CYLC2: variants seen among roughly 807,000 people sequenced by gnomAD.
CYLC2 encodes the protein cylicin-2.
In CYLC2, 30 loss-of-function variants were observed where a neutral mutation model predicts 26.1. That is an observed-to-expected ratio of 1.15 (90% CI 0.86 to 1.56). The LOEUF (loss-of-function observed/expected upper bound fraction) is 1.56. Among genes scored for constraint, CYLC2 ranks in the 40% most tolerant of loss-of-function variants. The probability of loss-of-function intolerance (pLI) is 0.00; values close to 1 mark genes in which losing one functional copy is unlikely to be tolerated. For missense variants in CYLC2, 498 were observed against 394.4 expected, an observed-to-expected ratio of 1.26 and a Z score of -2.23; for synonymous variants, 158 against 132.8, an observed-to-expected ratio of 1.19 and a Z score of -1.31.
At chr9:103,013,361 AATAT>A (rs1277215335) in intron 6 of CYLC2, among the ~76,000 whole-genome samples, 8 of 13,846 alleles carry the variant, frequency 5.8e-4, no homozygotes, top group Non-Finnish European at 9.7e-4. Flanking sequence ...ATATTATATA[AATAT>A]ATATTTAATA....
chr9:103,013,200 T>C (rs1313812373), intron 6 of CYLC2, among the ~76,000 whole-genome samples: 230 of 29,534 alleles, frequency 7.8e-3, no homozygotes, highest in Non-Finnish European at 0.013. Context: ...ATATAACATA[T>C]TAATGTTATA....
chr9:103,014,562 A>ATATGTATATTATGCAGTATACATCC (rs1829470022), intron 6 of CYLC2, among the ~76,000 whole-genome samples: 1 of 143,378 alleles, frequency 7.0e-6, no homozygotes, highest in African/African-American at 2.5e-5. Flanking sequence ...AGTATACATC[A>ATATGTATATTATGCAGTATACATCC]TATGTATATT....
intron 2 of CYLC2, 144 bp downstream of exon 2, chr9:103,001,762 C>A: frequency 3.5e-6 from 2 of 572,034 alleles, no homozygotes; most frequent in Non-Finnish European, 6.2e-6. Context: ...TTCTTACAGG[C>A]CCAGTGAACA....
rs1829412285 is a variant in CYLC2, at chr9:103,012,020, T to A, written c.*739T>A. The A allele has an allele frequency of 7.0e-6, 1 of 142,736 alleles. No homozygotes were observed. Among genetic ancestry groups the A allele is most frequent in the Non-Finnish European group, 1.5e-5 (1 of 66,234 alleles). The allele number at this position is 142,736 out of a possible 1,614,324, so 8.8% of individuals were successfully genotyped here. ...CCCTGGCTGGAGTTCAGTGACATGA[T>A]CTCAGGCTTACTACAGCCTCCACCT... is the stretch of plus-strand genomic sequence containing the variant. On this transcript the variant is annotated 3_prime_UTR_variant, in exon 6 of 8. Transcript: ENST00000374798.
chr9:103,005,793 A>T lies in CYLC2; in HGVS notation c.*115A>T. On this transcript the variant is annotated 3_prime_UTR_variant, in exon 5 of 8. Transcript: ENST00000374798. The stretch of plus-strand genomic sequence containing the variant: ...ACAAGAGGCCTCAAAGAATTAAATA[A>T]TTTTTAAAAGGTGGTAAAGAAGGAT... The T allele has an allele frequency of 8.6e-7, 1 of 1,159,360 alleles. No individual in the cohort carries two copies. The highest frequency in any genetic ancestry group is 1.2e-6 in the Non-Finnish European group (1 of 818,296). 71.8% of individuals were successfully genotyped at this position (1,159,360 alleles called of 1,614,324 possible). A position where few individuals can be genotyped will look rare whatever the true frequency, so the allele number is the denominator to read the frequency against.
chr9:103,003,119 GT>G (rs1829304472), intron 2 of CYLC2, 22 bp from the exon 3 acceptor site: 1 of 1,611,850 alleles, frequency 6.2e-7, no homozygotes. Flanking sequence ...TCCAAAATGT[GT>G]TTTTTGTCTC....
At chr9:103,012,503 A>C (rs4471114) in intron 6 of CYLC2, among the ~76,000 whole-genome samples, 100,419 of 151,780 alleles carry the variant, frequency 0.66, 33,494 homozygotes, top group South Asian at 0.82. Flanking sequence ...AGTTTATGAC[A>C]GTTTTTATAA....
chr9:103,009,837 T>TTTTATC (rs1486705895), intron 5 of CYLC2, among the ~76,000 whole-genome samples: 1 of 151,878 alleles, frequency 6.6e-6, no homozygotes, highest in Non-Finnish European at 1.5e-5. Flanking sequence ...TTGCCAACAC[T>TTTTATC]TTTATCTTTG....
chr9:103,005,199 A>G lies in CYLC2; in HGVS notation c.568A>G (p.Lys190Glu), dbSNP rs2298050. Residue 190 changes from lysine to glutamate, a missense_variant, in exon 5 of 8, where the codon AAA becomes GAA. By Grantham distance (56) the Lys-to-Glu change is moderately conservative. Transcript: ENST00000374798. ...DEKGGAKKDN[K>E]KDKKDSNKGK... Reference sequence around the variant, plus strand: ...AAAAGGAGGTGCAAAGAAAGATAACAAAAAAGATAAAAAGGATTCAAACAA... The same window carrying G: ...AAAAGGAGGTGCAAAGAAAGATAACGAAAAAGATAAAAAGGATTCAAACAA... The G allele has an allele frequency of 9.7e-3, 15,595 of 1,607,896 alleles. 788 individuals carry two copies. The East Asian group carries it at 0.17, about 18-fold the overall frequency.
chr9:103,015,629 G>T (rs1829496565), intron 6 of CYLC2, among the ~76,000 whole-genome samples: 1 of 146,752 alleles, frequency 6.8e-6, no homozygotes, highest in Non-Finnish European at 1.5e-5. Flanking sequence ...TGTCTCTTGA[G>T]TGTTCCTTGG....
rs1398247663 is a variant in CYLC2, at chr9:103,003,270, A to G, written c.180+7A>G. ...ACGGGACAACACGGTTTCTGTAAGCATTGGAAAGATTTTATAATTATCAGT... is the reference window on the plus strand; with the variant it reads ...ACGGGACAACACGGTTTCTGTAAGCGTTGGAAAGATTTTATAATTATCAGT... On this transcript the variant is annotated splice_region_variant and intron_variant, in intron 3 of 7. Coordinates refer to ENST00000374798, the MANE Select transcript of CYLC2 (RefSeq NM_001340.5). 2 of 1,605,668 alleles carry G rather than the reference A, an allele frequency of 1.2e-6. No individual in the cohort carries two copies. Among genetic ancestry groups the G allele is most frequent in the African/African-American group, 2.7e-5 (2 of 74,456 alleles).
Position 103,005,777 on chromosome 9 carries a change from C to A in CYLC2, c.*99C>A. On this transcript the variant is annotated 3_prime_UTR_variant, in exon 5 of 8. Coordinates refer to ENST00000374798, the MANE Select transcript of CYLC2 (RefSeq NM_001340.5). ...CTGAATTTGTGAGAAAACAAGAGGC[C>A]TCAAAGAATTAAATAATTTTTAAAA... 1 of 1,267,964 alleles carries A rather than the reference C, an allele frequency of 7.9e-7. No homozygotes were observed. The highest frequency in any genetic ancestry group is 1.1e-6 in the Non-Finnish European group (1 of 916,356). The allele number at this position is 1,267,964 out of a possible 1,614,324, so 78.5% of individuals were successfully genotyped here.
chr9:103,013,281 C>A (rs1467420263), intron 6 of CYLC2, among the ~76,000 whole-genome samples: 1 of 68,764 alleles, frequency 1.5e-5, no homozygotes, highest in Non-Finnish European at 2.5e-5. Context: ...TTATATATAA[C>A]ACATTAAATA....
At chr9:103,009,648 ATAG>A (rs1249384380) in intron 5 of CYLC2, among the ~76,000 whole-genome samples, 1 of 152,130 alleles carries the variant, frequency 6.6e-6, no homozygotes, top group African/African-American at 2.4e-5. Flanking sequence ...GTGCTATCAA[ATAG>A]TAGGTCTTAT....
intron 6 of CYLC2, among the ~76,000 whole-genome samples, chr9:103,015,240 A>G (rs1231532917): frequency 8.1e-6 from 1 of 123,106 alleles, no homozygotes; most frequent in African/African-American, 3.0e-5. Flanking sequence ...TTTATATATA[A>G]TCTGATATAT....
intron 6 of CYLC2, among the ~76,000 whole-genome samples, chr9:103,014,449 C>A (rs141997142): frequency 3.8e-5 from 5 of 133,210 alleles, no homozygotes; most frequent in Non-Finnish European, 7.8e-5. Context: ...ACATAATATA[C>A]ATAATGTATA....
chr9:103,013,485 A>AATATATT (rs1239128961), intron 6 of CYLC2, among the ~76,000 whole-genome samples: 13 of 106,732 alleles, frequency 1.2e-4, no homozygotes. Flanking sequence ...ATATATATTT[A>AATATATT]ACATATTACA....
At chr9:103,010,843 G>T (rs1395954136) in intron 5 of CYLC2, 3 of 151,928 alleles carry the variant, frequency 2.0e-5, no homozygotes, top group Non-Finnish European at 4.4e-5. Context: ...TACATTAGTT[G>T]TATTTGCAGG....
Position 103,009,628 on chromosome 9 carries a change from T to C in CYLC2, c.*701-2354T>C, listed in dbSNP as rs143994833. Among the ~76,000 whole-genome samples, 61 of 152,272 alleles carry C rather than the reference T, an allele frequency of 4.0e-4. 1 individual carries two copies. The East Asian group carries it at 0.012, about 29-fold the overall frequency. On this transcript the variant is annotated intron_variant, in intron 5 of 7. Coordinates refer to ENST00000374798, the MANE Select transcript of CYLC2 (RefSeq NM_001340.5). ...AATGTACAGTTATTACTGACTATAGTCATTCCAATGTGCTATCAAATAGTA... is the reference window on the plus strand; with the variant it reads ...AATGTACAGTTATTACTGACTATAGCCATTCCAATGTGCTATCAAATAGTA...
Sources: allele counts gnomAD v4.1 joint callset (sites outside exome capture counted in the v4.1 genomes callset), GRCh38; gene constraint gnomAD v4.1.1; transcripts MANE v1.5; gene names NCBI Gene and HGNC (gene_info 2026-07-23, HGNC 2026-07-21).